CEMIP: variants seen among roughly 807,000 people sequenced by gnomAD.
CEMIP encodes cell migration-inducing and hyaluronan-binding protein.
Under a neutral mutation model 156.9 loss-of-function variants are expected in CEMIP, and 105 were observed. That is an observed-to-expected ratio of 0.67 (90% CI 0.57 to 0.79). CEMIP has a LOEUF of 0.79. Ranked by LOEUF, CEMIP falls within the 30% of genes least tolerant of loss-of-function variation. CEMIP has a pLI of 0.00. For synonymous variants in CEMIP, 676 were observed against 668.4 expected (o/e 1.01, Z -0.17); for missense variants, 1,457 against 1,769.4 (o/e 0.82, Z 3.17).
chr15:80,934,608 T>C (rs1901045312), intron 23 of CEMIP, among the ~76,000 whole-genome samples: 1 of 152,152 alleles, frequency 6.6e-6, no homozygotes, highest in African/African-American at 2.4e-5. Context: ...CAGGCATTAT[T>C]ATCACCACCG....
intron 1 of CEMIP, among the ~76,000 whole-genome samples, chr15:80,871,577 G>A (rs539229940): frequency 4.0e-4 from 61 of 152,232 alleles, no homozygotes; most frequent in African/African-American, 1.5e-3. Context: ...CAGGAGGGAT[G>A]CCCCCGCCCA....
At chr15:80,828,758 T>A (rs1425617430) in intron 1 of CEMIP, among the ~76,000 whole-genome samples, 1 of 152,206 alleles carries the variant, frequency 6.6e-6, no homozygotes, top group African/African-American at 2.4e-5. Flanking sequence ...TTCCTCTTGT[T>A]TTTCTCAGTC....
In CEMIP at chr15:80,894,973, TTC is replaced by T. The variant is rs1899163186; in HGVS notation, c.1087-15_1087-14del. The T allele has an allele frequency of 6.2e-7, 1 of 1,613,904 alleles. No individual in the cohort carries two copies. The highest frequency in any genetic ancestry group is 1.3e-5 in the African/African-American group (1 of 74,922). On this transcript the variant is annotated splice_polypyrimidine_tract_variant and intron_variant, in intron 10 of 29. Transcript: ENST00000394685. ...AAAAAAAACGACTTTGCTCTGTAAT[TTC>T]TGTGTCATTCCCAGGCCACTACAAT...
intron 21 of CEMIP, 50 bp from the exon 22 acceptor site, chr15:80,931,809 A>AT (rs1189950105): frequency 1.3e-6 from 2 of 1,577,492 alleles, no homozygotes; most frequent in South Asian, 2.2e-5. Flanking sequence ...CCTTAACTCC[A>AT]TAGGAATGGA....
At chr15:80,934,670 TGGA>T (rs1159510504) in intron 23 of CEMIP, among the ~76,000 whole-genome samples, 2 of 150,978 alleles carry the variant, frequency 1.3e-5, no homozygotes, top group Middle Eastern at 3.4e-3. Flanking sequence ...GGTTTGGGGG[TGGA>T]GGAGTGATAG....
chr15:80,837,379 C>CTG (rs1897292222), intron 1 of CEMIP, among the ~76,000 whole-genome samples: 3 of 152,118 alleles, frequency 2.0e-5, no homozygotes, highest in Non-Finnish European at 4.4e-5. Context: ...TTCCCAGGCT[C>CTG]CTTTGGAAGA....
At chr15:80,921,477 T>C (rs1900468845) in intron 16 of CEMIP, among the ~76,000 whole-genome samples, 1 of 152,212 alleles carries the variant, frequency 6.6e-6, no homozygotes, top group Admixed American at 6.5e-5. Context: ...GTATTATTAT[T>C]ATCCCCATCT....
Position 80,949,167 on chromosome 15 carries a change from G to C in CEMIP, c.*243G>C. On this transcript the variant is annotated 3_prime_UTR_variant, in exon 30 of 30. Coordinates refer to ENST00000394685, the MANE Select transcript of CEMIP (RefSeq NM_001293298.2). ...CAATGCTGGAAACATTCACTTTCCT[G>C]CAGCCTCTTGGGTGCTTCTCTCCTA... 1 of 558,548 alleles carries C rather than the reference G, an allele frequency of 1.8e-6. No individual in the cohort carries two copies. Among genetic ancestry groups the C allele is most frequent in the Non-Finnish European group, 3.2e-6 (1 of 309,984 alleles). 34.6% of individuals were successfully genotyped at this position (558,548 alleles called of 1,614,324 possible).
chr15:80,823,725 G>A (rs887382419), intron 1 of CEMIP, among the ~76,000 whole-genome samples: 13 of 152,312 alleles, frequency 8.5e-5, no homozygotes, highest in African/African-American at 2.9e-4. Context: ...GATAGGGAGA[G>A]GTGATAAGAA....
In CEMIP at chr15:80,947,050, G is replaced by T; in HGVS notation, c.3943G>T (p.Gly1315Cys). The stretch of plus-strand genomic sequence containing the variant: ...GCTGGAAAAGCTTGGGGCAGACAGG[G>T]GTCTCAAGTTGAAAGGTAAGGGTTT... ...RVLEKLGADR[G>C]LKLKEQMAFV... Residue 1315 changes from glycine to cysteine, a missense_variant, in exon 29 of 30, where the codon GGT (glycine) becomes TGT (cysteine). By Grantham distance (159) the Gly-to-Cys change is radical. Transcript: ENST00000394685. 2 of 1,612,974 alleles carry T rather than the reference G, an allele frequency of 1.2e-6. No homozygotes were observed. The highest frequency in any genetic ancestry group is 8.5e-7 in the Non-Finnish European group (1 of 1,178,990).
intron 1 of CEMIP, among the ~76,000 whole-genome samples, chr15:80,816,919 C>T (rs1345244586): frequency 6.6e-6 from 1 of 152,098 alleles, no homozygotes; most frequent in Non-Finnish European, 1.5e-5. Context: ...TCTCGCTCCT[C>T]AGGCTTCAGC....
intron 14 of CEMIP, 144 bp from the exon 15 acceptor site, chr15:80,919,946 TTGAA>T: frequency 1.3e-6 from 1 of 793,424 alleles, no homozygotes; most frequent in Non-Finnish European, 2.2e-6. Context: ...TTAGTGTTTG[TTGAA>T]TGAATGAATG....
chr15:80,906,820 C>T lies in CEMIP; in HGVS notation c.1569C>T (p.Thr523=), dbSNP rs764380651. The part of the protein sequence containing the change: ...NHICNFFDFD[T]FGGHIKFALG... ...TCTGCAATTTCTTTGACTTCGATACCTTTGGGGGCCACATCAAGGTATGTG... is the reference window on the plus strand; with the variant it reads ...TCTGCAATTTCTTTGACTTCGATACTTTTGGGGGCCACATCAAGGTATGTG... Residue 523 remains threonine, a synonymous_variant, in exon 13 of 30, where the codon ACC becomes ACT. Coordinates refer to ENST00000394685, the MANE Select transcript of CEMIP (RefSeq NM_001293298.2). This position sits in a 1 kb window ranked among gnomAD's most constrained non-coding sequence, Gnocchi z 4.3. The T allele has an allele frequency of 6.2e-7, 1 of 1,613,688 alleles. No individual in the cohort carries two copies. Among genetic ancestry groups the T allele is most frequent in the East Asian group, 2.2e-5 (1 of 44,866 alleles).
At chr15:80,835,784 T>A (rs1897258706) in intron 1 of CEMIP, among the ~76,000 whole-genome samples, 1 of 152,176 alleles carries the variant, frequency 6.6e-6, no homozygotes. Flanking sequence ...TCATCCACAG[T>A]CTCCCTTCTC....
chr15:80,852,316 C>A (rs1897733336), intron 1 of CEMIP, among the ~76,000 whole-genome samples: 1 of 152,122 alleles, frequency 6.6e-6, no homozygotes, highest in Non-Finnish European at 1.5e-5. Flanking sequence ...ACCTGGCACA[C>A]AGAAGGCCCT....
intron 13 of CEMIP, among the ~76,000 whole-genome samples, chr15:80,908,263 A>AG (rs1177021855): frequency 6.6e-6 from 1 of 152,152 alleles, no homozygotes; most frequent in African/African-American, 2.4e-5. Context: ...CTGAATGATC[A>AG]GGGGACTCTT....
At chr15:80,804,656 C>T (rs1415105374) in intron 1 of CEMIP, among the ~76,000 whole-genome samples, 2 of 152,186 alleles carry the variant, frequency 1.3e-5, no homozygotes, top group Non-Finnish European at 2.9e-5. Context: ...GCTGAAAGCA[C>T]GTGCGTCTTT....
chr15:80,797,662 C>A (rs1489625130), intron 1 of CEMIP, among the ~76,000 whole-genome samples: 1 of 7,332 alleles, frequency 1.4e-4, no homozygotes, highest in Non-Finnish European at 0.012. Flanking sequence ...GGTTCTTTAG[C>A]TCCTCTCCTC....
chr15:80,870,349 TA>T (rs1387788135), intron 1 of CEMIP, among the ~76,000 whole-genome samples: 2 of 152,086 alleles, frequency 1.3e-5, no homozygotes, highest in African/African-American at 4.8e-5. Flanking sequence ...CCCTTTCTCT[TA>T]CCTCCTGCTA....
Sources: allele counts gnomAD v4.1 joint callset (sites outside exome capture counted in the v4.1 genomes callset), GRCh38; gene constraint gnomAD v4.1.1; non-coding constraint Gnocchi (gnomAD v3.1); transcripts MANE v1.5; gene names NCBI Gene and HGNC (gene_info 2026-07-23, HGNC 2026-07-21).